Variants in NTNG1 observed in about 807,000 individuals in gnomAD.
The protein encoded by NTNG1 is netrin G1.
In NTNG1, 16 loss-of-function variants were observed where a neutral mutation model predicts 54.0. The observed-to-expected ratio is 0.30, with a 90% confidence interval of 0.20 to 0.45. The LOEUF (loss-of-function observed/expected upper bound fraction) is 0.45. Ranked by LOEUF, NTNG1 falls within the 20% of genes least tolerant of loss-of-function variation. The pLI is 1.00. For missense variants in NTNG1, 530 were observed against 678.7 expected (o/e 0.78, Z 2.43); for synonymous variants, 255 against 263.1 (o/e 0.97, Z 0.30).
chr1:107,199,091 T>TAA (rs1160594024), intron 2 of NTNG1, among the ~76,000 whole-genome samples: 1 of 151,916 alleles, frequency 6.6e-6, no homozygotes, highest in African/African-American at 2.4e-5. Flanking sequence ...AATTTCTTGA[T>TAA]ATAGTGCTAA....
chr1:107,474,780 C>T (rs1454580579), intron 7 of NTNG1, among the ~76,000 whole-genome samples: 1 of 152,174 alleles, frequency 6.6e-6, no homozygotes, highest in African/African-American at 2.4e-5. Flanking sequence ...ATAACAAACC[C>T]TCTCCCAAAA....
chr1:107,289,519 C>T (rs1175322762), intron 2 of NTNG1, among the ~76,000 whole-genome samples: 1 of 152,148 alleles, frequency 6.6e-6, no homozygotes, highest in Non-Finnish European at 1.5e-5. Context: ...TCCCACCTCT[C>T]AACTGCCCTC....
intron 2 of NTNG1, among the ~76,000 whole-genome samples, chr1:107,204,798 C>A (rs1052469816): frequency 3.3e-5 from 5 of 152,238 alleles, no homozygotes; most frequent in East Asian, 1.9e-4. Context: ...CCTACCCGCA[C>A]CCCTGCAATC....
At chr1:107,269,900 C>T (rs1374267191) in intron 2 of NTNG1, among the ~76,000 whole-genome samples, 5 of 152,214 alleles carry the variant, frequency 3.3e-5, no homozygotes, top group East Asian at 1.9e-4. Context: ...CAGTTCTGTA[C>T]GGATGCCCTC....
intron 2 of NTNG1, among the ~76,000 whole-genome samples, chr1:107,172,223 A>G (rs1408588550): frequency 6.6e-6 from 1 of 152,284 alleles, no homozygotes; most frequent in South Asian, 2.1e-4. Flanking sequence ...GGTGTTGTCT[A>G]TCACGACAAA....
chr1:107,481,159 A>AGAAATCTTTAACC lies in NTNG1; in HGVS notation c.*319_*320insGAAATCTTTAACC. 2.8e-6 allele frequency: 1 copy of AGAAATCTTTAACC among 360,414 alleles called. No individual in the cohort carries two copies. The highest frequency in any genetic ancestry group is 5.1e-6 in the Non-Finnish European group (1 of 196,388). The allele number at this position is 360,414 out of a possible 1,614,324, so 22.3% of individuals were successfully genotyped here. On this transcript the variant is annotated 3_prime_UTR_variant, in exon 8 of 8. Coordinates refer to ENST00000370068, the MANE Select transcript of NTNG1 (RefSeq NM_001113226.3). ...AACAGGAAAGACAAAAAACAAACAA[A>AGAAATCTTTAACC]TCAACCGACCTAAAAACATTGGCTA...
At chr1:107,474,572 A>G (rs370793127) in intron 7 of NTNG1, among the ~76,000 whole-genome samples, 1 of 152,222 alleles carries the variant, frequency 6.6e-6, no homozygotes, top group African/African-American at 2.4e-5. Context: ...TTTATGCACT[A>G]TAACAGAATA....
At position 107,481,221 on chromosome 1, in the gene NTNG1, T is replaced by C. The variant is rs1678695308; in HGVS notation, c.*381T>C. 8.9e-6 allele frequency: 2 copies of C among 224,018 alleles called. No homozygotes were observed. The highest frequency in any genetic ancestry group is 4.5e-5 in the African/African-American group (2 of 44,440). The allele number at this position is 224,018 out of a possible 1,614,324, so 13.9% of individuals were successfully genotyped here. On this transcript the variant is annotated 3_prime_UTR_variant, in exon 8 of 8. Transcript: ENST00000370068. The stretch of plus-strand genomic sequence containing the variant: ...TGCGCCCTAGTACGACTCCGCCCAG[T>C]GTGTGGACCAACCAAATAGCATTCT...
At chr1:107,263,228 G>A (rs998192405) in intron 2 of NTNG1, among the ~76,000 whole-genome samples, 3 of 152,192 alleles carry the variant, frequency 2.0e-5, no homozygotes, top group Non-Finnish European at 4.4e-5. Context: ...GTGTGAGAGT[G>A]AGTGGGTGTG....
Position 107,391,005 on chromosome 1 carries a change from T to C in NTNG1, c.888-4149T>C, listed in dbSNP as rs150972322. On this transcript the variant is annotated intron_variant, in intron 3 of 7. Coordinates refer to ENST00000370068, the MANE Select transcript of NTNG1 (RefSeq NM_001113226.3). ...ATTCCAACTATGGGCAGATATTTTT[T>C]GTATACCAGAAAGGAGCCAGCCACT... 2.4e-3 allele frequency among the ~76,000 whole-genome samples: 365 copies of C among 152,308 alleles called. 2 individuals carry two copies. The highest frequency in any genetic ancestry group is 8.5e-3 in the African/African-American group (352 of 41,578).
At chr1:107,337,870 G>A (rs1668679649) in intron 3 of NTNG1, among the ~76,000 whole-genome samples, 1 of 152,036 alleles carries the variant, frequency 6.6e-6, no homozygotes, top group Non-Finnish European at 1.5e-5. Context: ...TGAAGCAACA[G>A]AAAATAAGTT....
intron 3 of NTNG1, among the ~76,000 whole-genome samples, chr1:107,347,096 G>T (rs1337750611): frequency 2.6e-5 from 4 of 151,916 alleles, no homozygotes; most frequent in Non-Finnish European, 5.9e-5. Context: ...CCTATCACTT[G>T]ATGGGCATCT....
chr1:107,218,085 A>G (rs1286221527), intron 2 of NTNG1, among the ~76,000 whole-genome samples: 1 of 152,046 alleles, frequency 6.6e-6, no homozygotes, highest in Non-Finnish European at 1.5e-5. Context: ...TGTCTCAGCA[A>G]CACAATAATA....
At chr1:107,314,480 G>A (rs964254570) in intron 2 of NTNG1, among the ~76,000 whole-genome samples, 4 of 152,216 alleles carry the variant, frequency 2.6e-5, no homozygotes, top group Admixed American at 1.3e-4. Context: ...CAGCTGGTTT[G>A]TCAGGTATTG....
intron 2 of NTNG1, among the ~76,000 whole-genome samples, chr1:107,165,373 A>T (rs1655713757): frequency 6.6e-6 from 1 of 152,182 alleles, no homozygotes. Flanking sequence ...TCCTACATTA[A>T]AATAGCTTTG....
chr1:107,452,836 C>A (rs1676705154), intron 7 of NTNG1, among the ~76,000 whole-genome samples: 2 of 152,152 alleles, frequency 1.3e-5, no homozygotes, highest in Non-Finnish European at 2.9e-5. Context: ...TATAAATCAC[C>A]CAGTCTCAGG....
At chr1:107,479,504 AATTTATAAAAAGCTACTT>A (rs1678555319) in intron 7 of NTNG1, among the ~76,000 whole-genome samples, 1 of 152,172 alleles carries the variant, frequency 6.6e-6, no homozygotes, top group Non-Finnish European at 1.5e-5. Context: ...AAAATGTTAC[AATTTATAAAAAGCTACTT>A]TTTCTGCTCT....
chr1:107,411,251 G>T (rs1673783447), intron 5 of NTNG1, among the ~76,000 whole-genome samples: 1 of 152,098 alleles, frequency 6.6e-6, no homozygotes, highest in African/African-American at 2.4e-5. Flanking sequence ...TAATTGTCCT[G>T]TTTTATCTTA....
upstream of NTNG1, chr1:107,140,141 A>T (rs1653537548): frequency 6.5e-6 from 1 of 154,206 alleles, no homozygotes; most frequent in African/African-American, 2.4e-5. Flanking sequence ...GAGCAGCACC[A>T]GCAACAGCAA....
Sources: gnomAD v4.1 joint callset for allele counts (sites outside exome capture counted in the v4.1 genomes callset) on GRCh38, gnomAD v4.1.1 for gene constraint, MANE v1.5 for transcripts, NCBI Gene and HGNC (gene_info 2026-07-23, HGNC 2026-07-21) for gene names.